Variants in CNTN6 observed in about 807,000 individuals in gnomAD.
CNTN6 encodes contactin-6.
CNTN6 carries 137 observed loss-of-function variants against 122.8 expected under a neutral mutation model. The ratio of observed to expected loss-of-function variants is 1.12; its 90% CI spans 0.97 to 1.29. CNTN6 has a LOEUF of 1.29. CNTN6 is among the 50% of genes most tolerant of loss of function. The pLI is 0.00. For missense variants in CNTN6, 1,634 were observed against 1,223.4 expected (o/e 1.34, Z -5.01); for synonymous variants, 570 against 426.0 (o/e 1.34, Z -4.16).
rs115853277 is a variant in CNTN6 at position 1,348,371 on chromosome 3, C to G, written c.1365-3953C>G. Among the ~76,000 whole-genome samples, 1,105 of 151,958 alleles carry G rather than the reference C, an allele frequency of 7.3e-3. 17 individuals are homozygous for G. Among genetic ancestry groups the G allele is most frequent in the African/African-American group, 0.026 (1,062 of 41,456 alleles). On this transcript the variant is annotated intron_variant, in intron 11 of 22. Transcript: ENST00000446702. ...TAGCATGACCATTATTAGTACCTCACGTGTTAAGATATCTATGGTTAAAAC... is the reference window on the plus strand; with the variant it reads ...TAGCATGACCATTATTAGTACCTCAGGTGTTAAGATATCTATGGTTAAAAC...
intron 17 of CNTN6, 24 bp from the exon 18 acceptor site, chr3:1,382,918 G>A: frequency 6.5e-7 from 1 of 1,529,076 alleles, no homozygotes; most frequent in Non-Finnish European, 9.1e-7. Context: ...CAAATACTCA[G>A]TGATTGATCA....
chr3:1,228,259 A>G lies in CNTN6; in HGVS notation c.358+266A>G, dbSNP rs1204831234. ...AGAAACATTTCTAAAAGTTTCAGAC[A>G]TAAATATTAAGATAAAGATGTATGA... On this transcript the variant is annotated intron_variant, in intron 4 of 22. Coordinates refer to ENST00000446702, the MANE Select transcript of CNTN6 (RefSeq NM_001289080.2). Among the ~76,000 whole-genome samples the G allele has an allele frequency of 2.6e-5, 4 of 152,208 alleles. No individual in the cohort carries two copies. The East Asian group carries it at 7.7e-4, about 29-fold the overall frequency.
intron 5 of CNTN6, among the ~76,000 whole-genome samples, chr3:1,280,754 C>T (rs970890136): frequency 3.3e-5 from 5 of 151,872 alleles, no homozygotes; most frequent in African/African-American, 4.8e-5. Flanking sequence ...CATGAGTCAC[C>T]GCACCTGGTC....
chr3:1,345,770 C>A (rs976776277), intron 11 of CNTN6, among the ~76,000 whole-genome samples: 1 of 151,998 alleles, frequency 6.6e-6, no homozygotes, highest in Non-Finnish European at 1.5e-5. Context: ...AATTTATACC[C>A]ACATTTCTAT....
chr3:1,096,753 T>C (rs561479804), intron 1 of CNTN6, among the ~76,000 whole-genome samples: 2 of 152,308 alleles, frequency 1.3e-5, no homozygotes, highest in African/African-American at 4.8e-5. Context: ...AAGAAAGTAC[T>C]GATCGGTTTT....
At position 1,385,544 on chromosome 3, in the gene CNTN6, G is replaced by T. The variant is rs1407720118; in HGVS notation, c.2518-67G>T. 9 of 1,293,434 alleles carry T rather than the reference G, an allele frequency of 7.0e-6. No individual in the cohort carries two copies. The East Asian group carries it at 7.4e-5, about 11-fold the overall frequency. The allele number at this position is 1,293,434 out of a possible 1,614,324, so 80.1% of individuals were successfully genotyped here. ...TTCCTTGTGGTTGTGGTTGATAGTT[G>T]TTGGTAAAAAATGATTGATAGTTAT... is the stretch of plus-strand genomic sequence containing the variant. On this transcript the variant is annotated intron_variant, in intron 19 of 22. Transcript: ENST00000446702.
chr3:1,352,136 A>G (rs1705734324), intron 11 of CNTN6, among the ~76,000 whole-genome samples, 188 bp from the exon 12 acceptor site: 2 of 151,928 alleles, frequency 1.3e-5, no homozygotes, highest in Admixed American at 1.3e-4. Context: ...AATAAAAGCA[A>G]ATGCCATTTA....
intron 4 of CNTN6, among the ~76,000 whole-genome samples, chr3:1,264,031 A>T (rs190910260): frequency 3.3e-5 from 5 of 152,176 alleles, no homozygotes; most frequent in Admixed American, 2.6e-4. Context: ...ATGTTCCGAA[A>T]AACAGGAAAA....
chr3:1,372,690 G>C (rs1709226665), intron 13 of CNTN6, 148 bp from the exon 14 acceptor site: 1 of 668,770 alleles, frequency 1.5e-6, no homozygotes, highest in Admixed American at 2.7e-5. Flanking sequence ...GATAATAAAA[G>C]GGTTTAGATA....
At chr3:1,219,424 C>G (rs1215995630) in intron 2 of CNTN6, among the ~76,000 whole-genome samples, 2 of 152,026 alleles carry the variant, frequency 1.3e-5, no homozygotes, top group Non-Finnish European at 2.9e-5. Flanking sequence ...ACAATGGGAT[C>G]AGTGTACTTG....
chr3:1,245,303 T>TAAC (rs4065406), intron 4 of CNTN6, among the ~76,000 whole-genome samples: 145 of 7,312 alleles, frequency 0.02, 10 homozygotes, highest in Middle Eastern at 0.17. Flanking sequence ...AACATATATA[T>TAAC]ATATATATAT....
chr3:1,382,804 GT>G (rs1692110695), intron 17 of CNTN6, 137 bp from the exon 18 acceptor site: 1 of 605,752 alleles, frequency 1.7e-6, no homozygotes, highest in East Asian at 2.9e-5. Context: ...AAATAAAAGT[GT>G]TTTTTAATAC....
At chr3:1,231,804 CA>C (rs2125567089) in intron 4 of CNTN6, among the ~76,000 whole-genome samples, 1 of 152,280 alleles carries the variant, frequency 6.6e-6, no homozygotes, top group South Asian at 2.1e-4. Context: ...CTTTCTTCCC[CA>C]ACCCAAACTC....
chr3:1,155,671 G>A (rs1435262266), intron 2 of CNTN6, among the ~76,000 whole-genome samples: 3 of 152,256 alleles, frequency 2.0e-5, no homozygotes, highest in East Asian at 1.9e-4. Flanking sequence ...GCAAATACAC[G>A]TTGACTTTGT....
intron 2 of CNTN6, among the ~76,000 whole-genome samples, chr3:1,207,355 A>G (rs1358640904): frequency 6.6e-6 from 1 of 152,174 alleles, no homozygotes; most frequent in Non-Finnish European, 1.5e-5. Context: ...TCCAATTATT[A>G]TACATCTATA....
intron 1 of CNTN6, among the ~76,000 whole-genome samples, chr3:1,142,986 A>ATATATG (rs1559389069): frequency 3.2e-4 from 46 of 144,312 alleles, no homozygotes; most frequent in African/African-American, 1.2e-3. Context: ...ATATATATAT[A>ATATATG]TATATATATA....
intron 4 of CNTN6, among the ~76,000 whole-genome samples, chr3:1,254,092 TTTTTA>T (rs1481374451): frequency 6.6e-6 from 1 of 152,164 alleles, no homozygotes; most frequent in African/African-American, 2.4e-5. Context: ...TATAAACAGA[TTTTTA>T]TTTAAATGTG....
At chr3:1,382,472 C>G (rs1180459186) in intron 17 of CNTN6, among the ~76,000 whole-genome samples, 1 of 152,058 alleles carries the variant, frequency 6.6e-6, no homozygotes, top group Admixed American at 6.5e-5. Flanking sequence ...AAGAAATATT[C>G]TGTGTCTTAA....
rs540496170 is a variant in CNTN6, at chr3:1,383,352, G to A, written c.2461G>A (p.Val821Ile). ...GAGTTTTTCTGCTTCTGAAATGGAG[G>A]TTTCATGGAATGCTATTGCCTGGAA... ...LQSFSASEME[V>I]SWNAIAWNRN... Residue 821 changes from valine (V) to isoleucine (I), a missense_variant, in exon 19 of 23, where the codon GTT becomes ATT. Coordinates refer to ENST00000446702, the MANE Select transcript of CNTN6 (RefSeq NM_001289080.2). 212 of 1,614,026 alleles carry A rather than the reference G, an allele frequency of 1.3e-4. 2 individuals are homozygous for A. The South Asian group carries it at 2.1e-3, about 16-fold the overall frequency.
Sources: allele counts gnomAD v4.1 joint callset (sites outside exome capture counted in the v4.1 genomes callset), GRCh38; gene constraint gnomAD v4.1.1; transcripts MANE v1.5; gene names NCBI Gene and HGNC (gene_info 2026-07-23, HGNC 2026-07-21).